The following ZBTB38 variants were observed in gnomAD, a reference collection of about 807,000 sequenced individuals.
The protein encoded by ZBTB38 is zinc finger and BTB domain containing 38, also known as zinc finger and BTB domain-containing protein 38.
A neutral mutation model predicts 76.8 loss-of-function variants in ZBTB38; 20 were observed. That is an observed-to-expected ratio of 0.26 (90% confidence interval 0.18 to 0.38). The LOEUF (loss-of-function observed/expected upper bound fraction) is 0.38. ZBTB38 is among the 10% of genes least tolerant of loss of function. The pLI is 1.00. For missense variants in ZBTB38, 1,082 were observed against 1,482.3 expected (o/e 0.73, Z 4.43); for synonymous variants, 504 against 544.2 (o/e 0.93, Z 1.03).
At chr3:141,329,224 C>T (rs1559908906) in intron 1 of ZBTB38, among the ~76,000 whole-genome samples, 1 of 152,180 alleles carries the variant, frequency 6.6e-6, no homozygotes, top group Non-Finnish European at 1.5e-5. Context: ...CAGCACATGG[C>T]CAGTGCTCAA....
At chr3:141,355,884 A>G (rs1415654535) in intron 1 of ZBTB38, among the ~76,000 whole-genome samples, 2 of 152,184 alleles carry the variant, frequency 1.3e-5, no homozygotes, top group Admixed American at 6.5e-5. Context: ...TTAGGCTCCA[A>G]AGCACAAAGG....
Position 141,446,372 on chromosome 3 carries a change from T to C in ZBTB38, c.*396T>C, listed in dbSNP as rs914419212. The C allele has an allele frequency of 1.3e-5, 2 of 159,516 alleles. No homozygotes were observed. Among genetic ancestry groups the C allele is most frequent in the Admixed American group, 6.1e-5 (1 of 16,306 alleles). The allele number at this position is 159,516 out of a possible 1,614,324, so 9.9% of individuals were successfully genotyped here. A position where few individuals can be genotyped will look rare whatever the true frequency, so the allele number is the denominator to read the frequency against. ...AAATAAGGGTCAGATATCCTGAAGA[T>C]GGCATCTTCGTAAATATGTTACGTG... On this transcript the variant is annotated 3_prime_UTR_variant, in exon 6 of 6. Transcript: ENST00000321464.
At chr3:141,403,826 A>T (rs1953267731) in intron 4 of ZBTB38, 101 bp from the exon 5 acceptor site, 1 of 152,244 alleles carries the variant, frequency 6.6e-6, no homozygotes, top group Non-Finnish European at 1.5e-5. Context: ...TGGGTGTTTG[A>T]CTTATGTGTT....
chr3:141,326,587 A>G (rs913673812), intron 1 of ZBTB38, among the ~76,000 whole-genome samples: 2 of 152,228 alleles, frequency 1.3e-5, no homozygotes, highest in Non-Finnish European at 2.9e-5. Flanking sequence ...GAGTTTCAGT[A>G]TCTTTAAATA....
At chr3:141,410,030 A>G (rs1956116658) in intron 5 of ZBTB38, among the ~76,000 whole-genome samples, 1 of 152,204 alleles carries the variant, frequency 6.6e-6, no homozygotes, top group Non-Finnish European at 1.5e-5. Flanking sequence ...TTCCTCACCT[A>G]TAACCAAAGA....
At chr3:141,388,694 A>T (rs1947883691) in intron 4 of ZBTB38, 1 of 152,260 alleles carries the variant, frequency 6.6e-6, no homozygotes, top group Non-Finnish European at 1.5e-5. Context: ...AAAAGGAAAC[A>T]AATGTTTAAT....
intron 5 of ZBTB38, among the ~76,000 whole-genome samples, chr3:141,429,775 G>C (rs375075598): frequency 3.9e-5 from 6 of 152,244 alleles, no homozygotes; most frequent in Non-Finnish European, 7.3e-5. Flanking sequence ...CCTGAAGCAC[G>C]AGTCTGAGCC....
intron 1 of ZBTB38, among the ~76,000 whole-genome samples, chr3:141,340,425 G>A (rs1250150635): frequency 1.3e-5 from 2 of 151,874 alleles, no homozygotes; most frequent in Non-Finnish European, 2.9e-5. Flanking sequence ...AGAAACTATG[G>A]GTATAAAGAC....
intron 1 of ZBTB38, among the ~76,000 whole-genome samples, chr3:141,351,569 C>CA (rs1012934561): frequency 6.6e-6 from 1 of 150,576 alleles, no homozygotes; most frequent in Non-Finnish European, 1.5e-5. Context: ...CCTGTCACTA[C>CA]AAAAAAAAAT....
chr3:141,384,979 C>G (rs994325667), intron 3 of ZBTB38: 1 of 152,176 alleles, frequency 6.6e-6, no homozygotes, highest in South Asian at 2.1e-4. Flanking sequence ...CACTTATGCT[C>G]TGGGGCAGGA....
upstream of ZBTB38, among the ~76,000 whole-genome samples, chr3:141,368,039 C>T (rs1467125770): frequency 6.6e-6 from 1 of 152,158 alleles, no homozygotes; most frequent in Non-Finnish European, 1.5e-5. Flanking sequence ...AGGAGCTGCC[C>T]GGGGATGGTG....
intron 1 of ZBTB38, among the ~76,000 whole-genome samples, chr3:141,327,633 A>G (rs1942712963): frequency 6.6e-6 from 1 of 152,218 alleles, no homozygotes; most frequent in African/African-American, 2.4e-5. Flanking sequence ...TAGAACAGAA[A>G]AAGGACACTA....
At chr3:141,370,622 T>A (rs1944408054) in intron 2 of ZBTB38, among the ~76,000 whole-genome samples, 3 of 152,250 alleles carry the variant, frequency 2.0e-5, no homozygotes. Flanking sequence ...TTAGGTAACA[T>A]CTGGCCATGA....
chr3:141,438,738 C>T (rs2079401797), intron 5 of ZBTB38, among the ~76,000 whole-genome samples: 1 of 152,084 alleles, frequency 6.6e-6, no homozygotes, highest in Non-Finnish European at 1.5e-5. Flanking sequence ...CTCAATGGTT[C>T]CCTATTCCCT....
rs1577563468 is a variant in ZBTB38, at chr3:141,444,695, C to T, written c.2307C>T (p.Ser769=). The T allele has an allele frequency of 6.2e-7, 1 of 1,614,018 alleles. No homozygotes were observed. The highest frequency in any genetic ancestry group is 1.7e-5 in the Admixed American group (1 of 60,000). Residue 769 remains serine (S), a synonymous_variant, in exon 6 of 6, where the codon AGC becomes AGT. Transcript: ENST00000321464. This position sits in a 1 kb window ranked among gnomAD's most constrained non-coding sequence, Gnocchi z 5.1. The stretch of plus-strand genomic sequence containing the variant: ...CAGATAAAGTGGGTAGGTTTGCAAG[C>T]AGACCCAAAAGCATTAAGGAGAAAA... ...PEPDKVGRFA[S]RPKSIKEKKK... is the part of the protein sequence containing the mutation.
intron 3 of ZBTB38, among the ~76,000 whole-genome samples, chr3:141,383,892 C>T (rs1286777040): frequency 1.3e-5 from 2 of 152,166 alleles, no homozygotes; most frequent in African/African-American, 2.4e-5. Context: ...GCACATGCCC[C>T]GAGGAGGCTG....
At chr3:141,401,376 TCTTC>T (rs71930193) in intron 4 of ZBTB38, among the ~76,000 whole-genome samples, 30,093 of 151,590 alleles carry the variant, frequency 0.2, 6,021 homozygotes, top group African/African-American at 0.53. Flanking sequence ...CCTTCAAAAC[TCTTC>T]CTTTTATTTT....
At chr3:141,405,750 T>C (rs1199115146) in intron 5 of ZBTB38, 3 of 152,232 alleles carry the variant, frequency 2.0e-5, no homozygotes, top group Non-Finnish European at 4.4e-5. Context: ...CTGTACAGCA[T>C]ACTAGAAGTA....
chr3:141,334,688 T>A (rs1451158516), intron 1 of ZBTB38, among the ~76,000 whole-genome samples: 1 of 152,060 alleles, frequency 6.6e-6, no homozygotes, highest in Non-Finnish European at 1.5e-5. Flanking sequence ...CCTCTCCCTA[T>A]ACCTTCCCCA....
Sources: gnomAD v4.1 joint callset for allele counts (sites outside exome capture counted in the v4.1 genomes callset) on GRCh38, gnomAD v4.1.1 for gene constraint, Gnocchi (gnomAD v3.1) non-coding constraint, MANE v1.5 for transcripts, NCBI Gene and HGNC (gene_info 2026-07-23, HGNC 2026-07-21) for gene names.